Variants in WDR41 observed in about 807,000 individuals in gnomAD.
WDR41 encodes WD repeat domain 41, also known as WD repeat-containing protein 41.
A neutral mutation model predicts 69.3 loss-of-function variants in WDR41; 63 were observed. The observed-to-expected ratio is 0.91, with a 90% confidence interval of 0.74 to 1.12. The LOEUF (loss-of-function observed/expected upper bound fraction) is 1.12, where lower values mean the gene tolerates loss of function less well. WDR41 is among the 50% of genes most tolerant of loss of function. The probability of loss-of-function intolerance (pLI) is 0.00; values close to 1 mark genes in which losing one functional copy is unlikely to be tolerated. For missense variants in WDR41, 543 were observed against 534.5 expected, an observed-to-expected ratio of 1.02 and a Z score of -0.16; for synonymous variants, 185 against 192.1, an observed-to-expected ratio of 0.96 and a Z score of 0.31.
In WDR41 at chr5:77,459,175, T is replaced by A. The variant is rs756722557; in HGVS notation, c.349-51A>T. The stretch of plus-strand genomic sequence containing the variant: ...CTAAACAGAATTTTAAAATCTTAAT[T>A]ATAACTTTTCTAATTAACAATTAAG... On this transcript the variant is annotated intron_variant, in intron 4 of 12. Transcript: ENST00000296679. 3 of 1,345,894 alleles carry A rather than the reference T, an allele frequency of 2.2e-6. No individual in the cohort carries two copies. The South Asian group carries it at 3.9e-5, about 17-fold the overall frequency. The allele number at this position is 1,345,894 out of a possible 1,614,324, so 83.4% of individuals were successfully genotyped here.
intron 6 of WDR41, 29 bp downstream of exon 6, chr5:77,453,788 T>C (rs769581364): frequency 5.8e-6 from 9 of 1,542,376 alleles, no homozygotes; most frequent in South Asian, 1.1e-5. Flanking sequence ...CTGTCAATCA[T>C]AGTTCAAAAT....
At chr5:77,605,201 G>A (rs555519495) in intron 1 of WDR41, among the ~76,000 whole-genome samples, 19 of 152,236 alleles carry the variant, frequency 1.2e-4, no homozygotes, top group South Asian at 8.3e-4. Flanking sequence ...TGGGATCCTC[G>A]TCTGACCTGG....
chr5:77,607,126 T>C (rs1457411437), intron 1 of WDR41, among the ~76,000 whole-genome samples: 1 of 151,974 alleles, frequency 6.6e-6, no homozygotes, highest in Non-Finnish European at 1.5e-5. Flanking sequence ...GGCTCTGAAT[T>C]AGGATAAGAG....
intron 2 of WDR41, among the ~76,000 whole-genome samples, chr5:77,475,880 G>A (rs1420480012): frequency 2.0e-5 from 3 of 152,022 alleles, no homozygotes; most frequent in Admixed American, 1.3e-4. Flanking sequence ...TATGAGCTAC[G>A]GGAGGACATT....
chr5:77,574,997 C>T (rs1233096339), intron 1 of WDR41, among the ~76,000 whole-genome samples: 5 of 152,118 alleles, frequency 3.3e-5, no homozygotes, highest in Non-Finnish European at 7.3e-5. Context: ...ACAAAAATCA[C>T]ATTTCATAAA....
In WDR41 at chr5:77,431,329, GATT is replaced by G. The variant is rs1018124101; in HGVS notation, c.*1803_*1805del. 1.2e-4 allele frequency: 19 copies of G among 152,566 alleles called. No individual in the cohort carries two copies. The highest frequency in any genetic ancestry group is 3.9e-4 in the Admixed American group (6 of 15,288). The allele number at this position is 152,566 out of a possible 1,614,324, so 9.5% of individuals were successfully genotyped here. ...TATCAAGACCCTCCACCAGCAAAAA[GATT>G]ATGACTCGCTGAAGGCTCAGATGAT... On this transcript the variant is annotated 3_prime_UTR_variant, in exon 13 of 13. Coordinates refer to ENST00000296679, the MANE Select transcript of WDR41 (RefSeq NM_018268.4).
At chr5:77,575,422 G>A (rs1167982289) in intron 1 of WDR41, among the ~76,000 whole-genome samples, 4 of 152,198 alleles carry the variant, frequency 2.6e-5, no homozygotes, top group Non-Finnish European at 5.9e-5. Flanking sequence ...CAGTATTTAA[G>A]CATCCTCCTA....
intron 1 of WDR41, among the ~76,000 whole-genome samples, chr5:77,610,049 G>A (rs1256970261): frequency 5.9e-5 from 9 of 152,136 alleles, no homozygotes; most frequent in Admixed American, 5.2e-4. Flanking sequence ...CTGGAAGAAA[G>A]GGTATCAGTG....
chr5:77,583,524 A>G (rs1186385908), intron 1 of WDR41, among the ~76,000 whole-genome samples: 1 of 151,772 alleles, frequency 6.6e-6, no homozygotes, highest in African/African-American at 2.4e-5. Flanking sequence ...AAAAAAGAAA[A>G]AAAAAAGCTA....
intron 4 of WDR41, 111 bp from the exon 5 acceptor site, chr5:77,459,235 C>G: frequency 1.3e-6 from 1 of 758,400 alleles, no homozygotes. Flanking sequence ...ATCTTTAAAT[C>G]AAACATAAAA....
upstream of WDR41, among the ~76,000 whole-genome samples, chr5:77,493,236 C>CT (rs1417253708): frequency 6.6e-6 from 1 of 152,136 alleles, no homozygotes; most frequent in African/African-American, 2.4e-5. Flanking sequence ...CTAGGAACTA[C>CT]TTATACATAT....
upstream of WDR41, among the ~76,000 whole-genome samples, chr5:77,493,707 A>G (rs761721871): frequency 8.5e-5 from 13 of 152,316 alleles, no homozygotes; most frequent in Middle Eastern, 3.4e-3. Flanking sequence ...ACTTATCTTT[A>G]AGTAAAACAA....
chr5:77,509,089 C>G (rs1269892921), intron 1 of WDR41, among the ~76,000 whole-genome samples: 2 of 152,178 alleles, frequency 1.3e-5, no homozygotes, highest in African/African-American at 4.8e-5. Flanking sequence ...TTAACTGTCC[C>G]TCTCTCTGGG....
At chr5:77,520,605 C>A (rs114303592) in intron 1 of WDR41, among the ~76,000 whole-genome samples, 3 of 152,114 alleles carry the variant, frequency 2.0e-5, no homozygotes, top group Non-Finnish European at 2.9e-5. Context: ...TAAAATTGAG[C>A]CTTGCTTGAC....
At chr5:77,485,936 T>C (rs1262260356) in intron 2 of WDR41, among the ~76,000 whole-genome samples, 1 of 151,964 alleles carries the variant, frequency 6.6e-6, no homozygotes, top group Non-Finnish European at 1.5e-5. Flanking sequence ...ACCTGGATTA[T>C]AACAGCTGAC....
chr5:77,605,005 T>C (rs1310577371), intron 1 of WDR41, among the ~76,000 whole-genome samples: 1 of 152,040 alleles, frequency 6.6e-6, no homozygotes, highest in Non-Finnish European at 1.5e-5. Context: ...TGACTACCTG[T>C]TAAGAAGGAG....
rs945832641 is a variant in WDR41 at position 77,432,917 on chromosome 5, A to G, written c.*218T>C. ...CCACTTCAACAGCAGCTCAAAGTCA[A>G]ATGGAAAAACTTGTGGTATATTCTT... is the stretch of plus-strand genomic sequence containing the variant. On this transcript the variant is annotated 3_prime_UTR_variant, in exon 13 of 13. Coordinates refer to ENST00000296679, the MANE Select transcript of WDR41 (RefSeq NM_018268.4). 6 of 456,820 alleles carry G rather than the reference A, an allele frequency of 1.3e-5. No homozygotes were observed. The highest frequency in any genetic ancestry group is 1.0e-4 in the African/African-American group (5 of 49,672). 28.3% of individuals were successfully genotyped at this position (456,820 alleles called of 1,614,324 possible).
chr5:77,572,492 A>T (rs1743750681), intron 1 of WDR41, among the ~76,000 whole-genome samples: 1 of 152,188 alleles, frequency 6.6e-6, no homozygotes, highest in African/African-American at 2.4e-5. Flanking sequence ...CACGTTGTGG[A>T]CTTTAAACCC....
At chr5:77,566,385 C>T (rs1252633503) in intron 1 of WDR41, among the ~76,000 whole-genome samples, 2 of 152,102 alleles carry the variant, frequency 1.3e-5, no homozygotes, top group African/African-American at 4.8e-5. Context: ...TATATTGATA[C>T]TACATAACCT....
Sources: gnomAD v4.1 joint callset for allele counts (sites outside exome capture counted in the v4.1 genomes callset) on GRCh38, gnomAD v4.1.1 for gene constraint, MANE v1.5 for transcripts, NCBI Gene and HGNC (gene_info 2026-07-23, HGNC 2026-07-21) for gene names.